The following ARHGAP6 variants were observed in gnomAD, a reference collection of about 807,000 sequenced individuals.
The protein encoded by ARHGAP6 is rho GTPase-activating protein 6.
In ARHGAP6, 16 loss-of-function variants were observed where a neutral mutation model predicts 55.7. The ratio of observed to expected loss-of-function variants is 0.29; its 90% CI spans 0.19 to 0.44. The LOEUF is 0.44. Ranked by LOEUF, ARHGAP6 falls within the 20% of genes least tolerant of loss-of-function variation. ARHGAP6 has a pLI of 1.00. For missense variants in ARHGAP6, 698 were observed against 808.9 expected, an observed-to-expected ratio of 0.86 and a Z score of 1.66; for synonymous variants, 382 against 360.9, an observed-to-expected ratio of 1.06 and a Z score of -0.66.
At chrX:11,336,231 A>G (rs1265864) in intron 1 of ARHGAP6, among the ~76,000 whole-genome samples, 2,865 of 111,338 alleles carry the variant, frequency 0.026, 37 homozygotes, top group Non-Finnish European at 0.039. Flanking sequence ...ACTAATGATC[A>G]TAATTATTGG....
At chrX:11,282,394 G>A (rs182455948) in intron 1 of ARHGAP6, among the ~76,000 whole-genome samples, 123 of 111,841 alleles carry the variant, frequency 1.1e-3, no homozygotes, top group South Asian at 0.011. Flanking sequence ...GCTCACTGTG[G>A]TTCTGCCATC....
rs777197971 is a variant in ARHGAP6, at chrX:11,178,168, G to A, written c.1561C>T (p.Arg521Cys). The stretch of plus-strand genomic sequence containing the variant: ...ACGATGGAGAGGAACTGTAGCAGGC[G>A]GTGGAGGGTGTCGCAGTTGCAGGGA... ...LPPCNCDTLHRLLQFLSIVAR... is the reference protein window; with the variant it reads ...LPPCNCDTLHCLLQFLSIVAR... The change falls in exon 8 of 13, where the codon CGC (arginine) becomes TGC (cysteine). Residue 521 changes from arginine (R) to cysteine (C), a missense_variant. Physicochemically the swap from Arg to Cys is radical, Grantham distance 180. Around this residue, in one of 3 missense-constraint regions of ARHGAP6, gnomAD observed 322 missense variants for 451.1 expected, o/e 0.71. Transcript: ENST00000337414. 19 of 1,209,393 alleles carry A rather than the reference G, an allele frequency of 1.6e-5. No individual in the cohort carries two copies. Among genetic ancestry groups the A allele is most frequent in the Admixed American group, 8.8e-5 (4 of 45,710 alleles).
At chrX:11,581,695 T>C (rs1469779723) in intron 1 of ARHGAP6, among the ~76,000 whole-genome samples, 5 of 111,291 alleles carry the variant, frequency 4.5e-5, no homozygotes, top group African/African-American at 9.8e-5. Context: ...ATTTAATTTG[T>C]GTGAAATGTC....
At chrX:11,365,474 C>T (rs1478890532) in intron 1 of ARHGAP6, among the ~76,000 whole-genome samples, 1 of 112,232 alleles carries the variant, frequency 8.9e-6, no homozygotes, top group East Asian at 2.8e-4. Context: ...ATTCTAGAGA[C>T]ATAGAAGATC....
chrX:11,637,317 T>TG (rs2052429424), intron 1 of ARHGAP6, among the ~76,000 whole-genome samples: 1 of 111,458 alleles, frequency 9.0e-6, no homozygotes, highest in African/African-American at 3.3e-5. Context: ...GCCAAGTTGA[T>TG]GTTCAGGGCA....
intron 2 of ARHGAP6, among the ~76,000 whole-genome samples, chrX:11,226,999 T>C (rs964221340): frequency 2.0e-4 from 22 of 112,426 alleles, no homozygotes; most frequent in African/African-American, 6.1e-4. Flanking sequence ...CTCTTCTTCA[T>C]GTAGATGTAT....
chrX:11,317,535 C>G (rs2048373249), intron 1 of ARHGAP6, among the ~76,000 whole-genome samples: 1 of 111,940 alleles, frequency 8.9e-6, no homozygotes, highest in Non-Finnish European at 1.9e-5. Context: ...CTGGATGAAA[C>G]CCTACATACT....
At chrX:11,412,087 T>C (rs1428547553) in intron 1 of ARHGAP6, among the ~76,000 whole-genome samples, 1 of 111,796 alleles carries the variant, frequency 8.9e-6, no homozygotes. Flanking sequence ...AAATCCTATC[T>C]CTACCCCAGA....
intron 1 of ARHGAP6, among the ~76,000 whole-genome samples, chrX:11,449,008 T>C (rs970608620): frequency 1.8e-5 from 2 of 111,232 alleles, no homozygotes; most frequent in African/African-American, 6.6e-5. Flanking sequence ...GGAGTAAGTT[T>C]TGTTGACTTG....
chrX:11,300,071 T>G (rs1380016240), intron 1 of ARHGAP6, among the ~76,000 whole-genome samples: 1 of 111,990 alleles, frequency 8.9e-6, no homozygotes, highest in African/African-American at 3.2e-5. Context: ...TCCCAAGTAA[T>G]CGGTGCCTAT....
intron 1 of ARHGAP6, among the ~76,000 whole-genome samples, chrX:11,647,984 A>G (rs1021965247): frequency 5.3e-5 from 6 of 112,485 alleles, no homozygotes; most frequent in African/African-American, 1.3e-4. Flanking sequence ...CTGAAGCAGG[A>G]AAAGGATATT....
intron 10 of ARHGAP6, among the ~76,000 whole-genome samples, chrX:11,144,486 A>G (rs1034029334): frequency 8.9e-6 from 1 of 112,464 alleles, no homozygotes; most frequent in African/African-American, 3.2e-5. Flanking sequence ...GCAATGATGG[A>G]GAAGGCACGG....
chrX:11,539,833 A>T (rs989268100), intron 1 of ARHGAP6, among the ~76,000 whole-genome samples: 3 of 112,237 alleles, frequency 2.7e-5, no homozygotes, highest in Non-Finnish European at 3.8e-5. Context: ...GTCTATAAAC[A>T]GCTCTTTTGA....
intron 2 of ARHGAP6, among the ~76,000 whole-genome samples, chrX:11,251,440 T>C (rs1216613869): frequency 9.0e-6 from 1 of 111,660 alleles, no homozygotes; most frequent in Non-Finnish European, 1.9e-5. Flanking sequence ...CTCAATTCTT[T>C]CCTCTCTATG....
At chrX:11,660,251 T>C (rs5935130) in intron 1 of ARHGAP6, among the ~76,000 whole-genome samples, 38,154 of 109,190 alleles carry the variant, frequency 0.35, 4,978 homozygotes, top group African/African-American at 0.45. Context: ...TCATTTTTGT[T>C]CATACCCATA....
intron 1 of ARHGAP6, among the ~76,000 whole-genome samples, chrX:11,656,090 A>C (rs1217803251): frequency 6.2e-5 from 7 of 112,547 alleles, no homozygotes; most frequent in Non-Finnish European, 1.3e-4. Context: ...TAAAGTGAGA[A>C]GGAGAGGAAA....
chrX:11,172,268 G>A (rs2046102826), intron 8 of ARHGAP6, among the ~76,000 whole-genome samples: 1 of 111,882 alleles, frequency 8.9e-6, no homozygotes, highest in Non-Finnish European at 1.9e-5. Flanking sequence ...GATAAACACT[G>A]ACAATTTCAA....
At chrX:11,545,268 C>T (rs907097955) in intron 1 of ARHGAP6, among the ~76,000 whole-genome samples, 1 of 112,374 alleles carries the variant, frequency 8.9e-6, no homozygotes, top group Non-Finnish European at 1.9e-5. Flanking sequence ...CAAGTAATAA[C>T]GCCTTTCAAA....
chrX:11,537,897 A>G (rs112593802), intron 1 of ARHGAP6, among the ~76,000 whole-genome samples: 5 of 111,419 alleles, frequency 4.5e-5, no homozygotes, highest in African/African-American at 1.6e-4. Context: ...AAACACAAAC[A>G]ATATCTTCAT....
Sources: allele counts gnomAD v4.1 joint callset (sites outside exome capture counted in the v4.1 genomes callset), GRCh38; gene constraint gnomAD v4.1.1; regional missense constraint gnomAD v4.1.1; transcripts MANE v1.5; gene names NCBI Gene and HGNC (gene_info 2026-07-23, HGNC 2026-07-21).